The following ARHGAP20 variants were observed in gnomAD, a reference collection of about 807,000 sequenced individuals.
The protein encoded by ARHGAP20 is Rho GTPase activating protein 20, also known as rho GTPase-activating protein 20.
A neutral mutation model predicts 73.7 loss-of-function variants in ARHGAP20; 34 were observed. The observed-to-expected ratio is 0.46, with a 90% CI of 0.35 to 0.61. The LOEUF is 0.61. Ranked by LOEUF, ARHGAP20 falls within the 20% of genes least tolerant of loss-of-function variation. ARHGAP20 has a pLI of 0.00. For synonymous variants in ARHGAP20, 523 were observed against 518.2 expected (o/e 1.01, Z -0.13); for missense variants, 1,314 against 1,420.9 (o/e 0.92, Z 1.21).
intron 12 of ARHGAP20, among the ~76,000 whole-genome samples, chr11:110,584,409 T>C (rs1385104535): frequency 1.3e-5 from 2 of 151,774 alleles, no homozygotes; most frequent in Admixed American, 6.6e-5. Context: ...TATACTGATA[T>C]TCATGACTGT....
chr11:110,579,010 C>G lies in ARHGAP20; in HGVS notation c.*360G>C. The G allele has an allele frequency of 7.0e-6, 7 of 998,918 alleles. No individual in the cohort carries two copies. The highest frequency in any genetic ancestry group is 8.4e-6 in the Non-Finnish European group (7 of 837,158). 61.9% of individuals were successfully genotyped at this position (998,918 alleles called of 1,614,324 possible). A position where few individuals can be genotyped will look rare whatever the true frequency, so the allele number is the denominator to read the frequency against. Reference sequence around the variant, plus strand: ...TCCCCTCTCTCCTCAGGCCCCTATTCCTCATTCCTGATATCTTGGTCTTCT... The same window carrying G: ...TCCCCTCTCTCCTCAGGCCCCTATTGCTCATTCCTGATATCTTGGTCTTCT... On this transcript the variant is annotated 3_prime_UTR_variant, in exon 15 of 15. Coordinates refer to ENST00000683387, the MANE Select transcript of ARHGAP20 (RefSeq NM_001384657.1).
Position 110,670,329 on chromosome 11 carries a change from AC to A in ARHGAP20, c.188+20217del, listed in dbSNP as rs543008526. On this transcript the variant is annotated intron_variant, in intron 2 of 14. Transcript: ENST00000683387. Reference sequence around the variant, plus strand: ...AAGAGATAAAATTCATATGCCTTTAACTAGACAGATCTAGGGGGAAAAAAGA... The same window carrying A: ...AAGAGATAAAATTCATATGCCTTTAATAGACAGATCTAGGGGGAAAAAAGA... Among the ~76,000 whole-genome samples the A allele has an allele frequency of 3.6e-3, 554 of 152,204 alleles. 3 individuals carry two copies. Among genetic ancestry groups the A allele is most frequent in the African/African-American group, 0.012 (518 of 41,558 alleles).
intron 2 of ARHGAP20, among the ~76,000 whole-genome samples, chr11:110,642,025 T>G (rs1280260389): frequency 6.6e-6 from 1 of 152,050 alleles, no homozygotes; most frequent in Admixed American, 6.6e-5. Flanking sequence ...ACAGTTTGAG[T>G]TTTCTTGAGA....
chr11:110,591,143 A>C (rs1316410877), intron 10 of ARHGAP20, among the ~76,000 whole-genome samples: 1 of 152,190 alleles, frequency 6.6e-6, no homozygotes, highest in Non-Finnish European at 1.5e-5. Flanking sequence ...TCAGAGAGTG[A>C]ATTTTAAGTG....
At chr11:110,663,460 A>T (rs1047716916) in intron 2 of ARHGAP20, among the ~76,000 whole-genome samples, 5 of 151,692 alleles carry the variant, frequency 3.3e-5, no homozygotes, top group Non-Finnish European at 7.4e-5. Flanking sequence ...AGGGAATATT[A>T]TGAAAAACTA....
At chr11:110,581,548 ACT>A (rs1311999263) in intron 14 of ARHGAP20, among the ~76,000 whole-genome samples, 1 of 152,142 alleles carries the variant, frequency 6.6e-6, no homozygotes, top group Admixed American at 6.6e-5. Context: ...TCTGAGTAAG[ACT>A]CTGCCTTCTA....
chr11:110,704,276 G>A (rs1293617671), intron 1 of ARHGAP20, among the ~76,000 whole-genome samples: 1 of 152,172 alleles, frequency 6.6e-6, no homozygotes, highest in African/African-American at 2.4e-5. Flanking sequence ...GGTAAATAAG[G>A]AAAGCAAAAG....
At chr11:110,625,057 G>A (rs1209703141) in intron 3 of ARHGAP20, among the ~76,000 whole-genome samples, 1 of 142,202 alleles carries the variant, frequency 7.0e-6, no homozygotes, top group Non-Finnish European at 1.5e-5. Context: ...TTGAGACGGA[G>A]TCTCGCTCTG....
intron 3 of ARHGAP20, among the ~76,000 whole-genome samples, chr11:110,626,431 A>G (rs905684171): frequency 2.0e-5 from 3 of 152,248 alleles, no homozygotes; most frequent in African/African-American, 7.2e-5. Flanking sequence ...AATGGCCAAT[A>G]TTTATTGAGA....
intron 2 of ARHGAP20, among the ~76,000 whole-genome samples, chr11:110,636,196 A>G (rs541354519): frequency 6.6e-6 from 1 of 152,030 alleles, no homozygotes; most frequent in East Asian, 1.9e-4. Context: ...AAACTATTCA[A>G]CTCTGCCCTT....
Position 110,592,009 on chromosome 11 carries a change from A to G in ARHGAP20, c.1111T>C (p.Cys371Arg). ...QLFGISLPNICENDNLPKPVL... is the reference protein window; with the variant it reads ...QLFGISLPNIRENDNLPKPVL... ...GGTTTGGGCAGATTGTCATTCTCAC[A>G]AATATTTGGCAGAGAAATTCCAAAG... The change falls in exon 10 of 15, where the codon TGT becomes CGT. Residue 371 changes from cysteine to arginine, a missense_variant. Cys to Arg is a radical substitution (Grantham distance 180). Around this residue, in one of 3 missense-constraint regions of ARHGAP20, gnomAD observed 443 missense variants for 466.4 expected, o/e 0.95. Coordinates refer to ENST00000683387, the MANE Select transcript of ARHGAP20 (RefSeq NM_001384657.1). 1 of 1,614,102 alleles carries G rather than the reference A, an allele frequency of 6.2e-7. No homozygotes were observed. The highest frequency in any genetic ancestry group is 8.5e-7 in the Non-Finnish European group (1 of 1,179,978).
chr11:110,697,272 G>A (rs1014921797), intron 1 of ARHGAP20, among the ~76,000 whole-genome samples: 2 of 151,426 alleles, frequency 1.3e-5, no homozygotes, highest in African/African-American at 4.8e-5. Context: ...TTTATTAATA[G>A]CCATTCTGAT....
intron 2 of ARHGAP20, among the ~76,000 whole-genome samples, chr11:110,661,282 TG>T (rs1384814845): frequency 6.6e-6 from 1 of 152,178 alleles, no homozygotes; most frequent in East Asian, 1.9e-4. Flanking sequence ...GAAGAACTTA[TG>T]TGTTTATCTG....
Position 110,673,571 on chromosome 11 carries a change from A to T in ARHGAP20, c.188+16976T>A, listed in dbSNP as rs189943253. On this transcript the variant is annotated intron_variant, in intron 2 of 14. Coordinates refer to ENST00000683387, the MANE Select transcript of ARHGAP20 (RefSeq NM_001384657.1). ...TACTAGGAAATATCTAAAGATAAGT[A>T]AATAAAAGAATTACACTAAGCAGTG... 1.0e-3 allele frequency among the ~76,000 whole-genome samples: 154 copies of T among 152,362 alleles called. 1 individual carries two copies. Among genetic ancestry groups the T allele is most frequent in the Non-Finnish European group, 5.9e-5 (4 of 68,038 alleles).
intron 2 of ARHGAP20, among the ~76,000 whole-genome samples, chr11:110,632,038 T>G (rs897251686): frequency 6.6e-6 from 1 of 152,242 alleles, no homozygotes; most frequent in African/African-American, 2.4e-5. Context: ...CATTCCTTTA[T>G]CTTACTTAGG....
chr11:110,702,501 T>C (rs974535733), intron 1 of ARHGAP20, among the ~76,000 whole-genome samples: 2 of 152,200 alleles, frequency 1.3e-5, no homozygotes, highest in East Asian at 1.9e-4. Flanking sequence ...TCTCTCACCA[T>C]TCCTATTCAA....
intron 2 of ARHGAP20, among the ~76,000 whole-genome samples, chr11:110,659,539 T>C (rs1450805428): frequency 2.6e-5 from 4 of 151,888 alleles, no homozygotes; most frequent in Non-Finnish European, 4.4e-5. Context: ...TAGTTTCTTT[T>C]GCTGTGCAGA....
intron 6 of ARHGAP20, among the ~76,000 whole-genome samples, chr11:110,612,730 TTTC>T (rs1402375488): frequency 1.3e-5 from 2 of 152,216 alleles, no homozygotes; most frequent in Non-Finnish European, 2.9e-5. Flanking sequence ...ATTAACAGAA[TTTC>T]TTCTCTATGA....
chr11:110,624,497 C>A (rs1482457151), intron 3 of ARHGAP20, among the ~76,000 whole-genome samples, 186 bp from the exon 4 acceptor site: 1 of 147,868 alleles, frequency 6.8e-6, no homozygotes, highest in Non-Finnish European at 1.5e-5. Context: ...GGGAATAACA[C>A]ATACCAGGGC....
Sources: allele counts gnomAD v4.1 joint callset (sites outside exome capture counted in the v4.1 genomes callset), GRCh38; gene constraint gnomAD v4.1.1; regional missense constraint gnomAD v4.1.1; transcripts MANE v1.5; gene names NCBI Gene and HGNC (gene_info 2026-07-23, HGNC 2026-07-21).